Variants in CADPS2 observed in about 807,000 individuals in gnomAD.
CADPS2 encodes calcium-dependent secretion activator 2.
In CADPS2, 93 loss-of-function variants were observed where a neutral mutation model predicts 172.5. The observed-to-expected ratio is 0.54, with a 90% CI of 0.46 to 0.64. The LOEUF (loss-of-function observed/expected upper bound fraction) is 0.64. Ranked by LOEUF, CADPS2 falls within the 30% of genes least tolerant of loss-of-function variation. CADPS2 has a pLI of 0.00. For missense variants in CADPS2, 1,420 were observed against 1,565.9 expected (o/e 0.91, Z 1.57); for synonymous variants, 546 against 555.2 (o/e 0.98, Z 0.23).
intron 2 of CADPS2, among the ~76,000 whole-genome samples, chr7:122,705,964 A>AATATATTATATATT (rs1402363297): frequency 6.3e-4 from 1 of 1,596 alleles, no homozygotes; most frequent in African/African-American, 8.2e-4. Context: ...ATATATATAT[A>AATATATTATATATT]ATATAATATA....
intron 1 of CADPS2, among the ~76,000 whole-genome samples, chr7:122,748,179 G>A (rs567703823): frequency 1.4e-4 from 22 of 152,298 alleles, no homozygotes; most frequent in South Asian, 8.3e-4. Context: ...ACTGAAGCAA[G>A]TGAGTGAAGA....
intron 10 of CADPS2, among the ~76,000 whole-genome samples, chr7:122,491,045 G>A (rs1301250390): frequency 6.6e-6 from 1 of 152,014 alleles, no homozygotes; most frequent in Non-Finnish European, 1.5e-5. Flanking sequence ...TGAAAACATT[G>A]TAATATCTCA....
At chr7:122,362,764 GAC>G (rs1177099319) in intron 25 of CADPS2, among the ~76,000 whole-genome samples, 1 of 152,160 alleles carries the variant, frequency 6.6e-6, no homozygotes, top group Admixed American at 6.5e-5. Context: ...TAGTTCTAGG[GAC>G]ACAGCTTATT....
chr7:122,405,460 T>C (rs2046530914), intron 20 of CADPS2, among the ~76,000 whole-genome samples: 1 of 152,094 alleles, frequency 6.6e-6, no homozygotes, highest in African/African-American at 2.4e-5. Context: ...GTCAGGATTT[T>C]GAGACCAGTC....
At position 122,320,316 on chromosome 7, in the gene CADPS2, A is replaced by G; in HGVS notation, c.3740T>C (p.Leu1247Ser). 6.2e-7 allele frequency: 1 copy of G among 1,602,024 alleles called. No individual in the cohort carries two copies. The highest frequency in any genetic ancestry group is 1.1e-5 in the South Asian group (1 of 88,560). ...IVKKTYRDFR[L>S]QGVLEGTLNS... is the part of the protein sequence containing the mutation. Reference sequence around the variant, plus strand: ...CAGTGTTCCTTCCAACACACCCTGCAATCGAAAGTCCCTGTAGGTTTTCTG... The same window carrying G: ...CAGTGTTCCTTCCAACACACCCTGCGATCGAAAGTCCCTGTAGGTTTTCTG... Residue 1247 changes from leucine (L) to serine (S), a missense_variant, in exon 30 of 30, where the codon TTG becomes TCG. Physicochemically the swap from Leu to Ser is moderately radical, Grantham distance 145. Coordinates refer to ENST00000449022, the MANE Select transcript of CADPS2 (RefSeq NM_017954.11).
chr7:122,707,352 T>C (rs2136535807), intron 2 of CADPS2, among the ~76,000 whole-genome samples: 1 of 152,048 alleles, frequency 6.6e-6, no homozygotes, highest in Admixed American at 6.6e-5. Flanking sequence ...TAGAAGGTTA[T>C]AACTATTATT....
At chr7:122,834,991 G>C (rs150011555) in intron 1 of CADPS2, among the ~76,000 whole-genome samples, 1,728 of 152,302 alleles carry the variant, frequency 0.011, 22 homozygotes, top group Non-Finnish European at 0.014. Flanking sequence ...GCCTCCTCAA[G>C]TGGGTCCCTG....
At position 122,485,336 on chromosome 7, in the gene CADPS2, G is replaced by A. The variant is rs115849902; in HGVS notation, c.1853-4476C>T. Among the ~76,000 whole-genome samples, 387 of 152,320 alleles carry A rather than the reference G, an allele frequency of 2.5e-3. 5 individuals are homozygous for A. Among genetic ancestry groups the A allele is most frequent in the African/African-American group, 8.5e-3 (353 of 41,574 alleles). ...GCTAAGTTGTGAATGCAAAGGAAAA[G>A]TTGTTGCAGTAAATTAAAGTTGCTA... On this transcript the variant is annotated intron_variant, in intron 11 of 29. Transcript: ENST00000449022.
At chr7:122,754,027 T>A (rs1161555543) in intron 1 of CADPS2, among the ~76,000 whole-genome samples, 3 of 152,216 alleles carry the variant, frequency 2.0e-5, no homozygotes, top group Non-Finnish European at 2.9e-5. Flanking sequence ...CCCCACCAGG[T>A]AGGAGCTGTG....
At chr7:122,671,029 C>A (rs2135550304) in intron 2 of CADPS2, among the ~76,000 whole-genome samples, 1 of 152,250 alleles carries the variant, frequency 6.6e-6, no homozygotes, top group Middle Eastern at 3.4e-3. Flanking sequence ...AGATCTCCAC[C>A]CAGCTGATCC....
intron 1 of CADPS2, among the ~76,000 whole-genome samples, chr7:122,745,823 C>T (rs1017401012): frequency 6.6e-6 from 1 of 151,868 alleles, no homozygotes; most frequent in Non-Finnish European, 1.5e-5. Context: ...AATAAAAATT[C>T]CAGATAATTT....
intron 1 of CADPS2, among the ~76,000 whole-genome samples, chr7:122,836,127 A>G (rs191732461): frequency 3.2e-4 from 48 of 152,344 alleles, no homozygotes; most frequent in African/African-American, 1.1e-3. Flanking sequence ...CCAATATTCA[A>G]CATTCTTAAA....
At chr7:122,542,924 G>A (rs2063250225) in intron 8 of CADPS2, among the ~76,000 whole-genome samples, 1 of 151,970 alleles carries the variant, frequency 6.6e-6, no homozygotes, top group African/African-American at 2.4e-5. Context: ...GTATTTTTCA[G>A]TTACTGTTCT....
intron 9 of CADPS2, among the ~76,000 whole-genome samples, chr7:122,508,263 A>G (rs2059754436): frequency 6.6e-6 from 1 of 151,944 alleles, no homozygotes; most frequent in South Asian, 2.1e-4. Context: ...TCCCACATAT[A>G]TATGAAGATT....
intron 1 of CADPS2, among the ~76,000 whole-genome samples, chr7:122,771,145 G>A (rs1043194279): frequency 2.0e-5 from 3 of 152,180 alleles, no homozygotes; most frequent in Admixed American, 2.0e-4. Context: ...AAGCTCCCCA[G>A]GGAAACATAA....
chr7:122,801,340 A>G (rs1797605277), intron 1 of CADPS2, among the ~76,000 whole-genome samples: 1 of 151,942 alleles, frequency 6.6e-6, no homozygotes, highest in Non-Finnish European at 1.5e-5. Context: ...TCCAATATGT[A>G]TTAAAAAAAC....
intron 7 of CADPS2, among the ~76,000 whole-genome samples, chr7:122,577,017 TC>T (rs2068143038): frequency 6.6e-6 from 1 of 152,060 alleles, no homozygotes; most frequent in Non-Finnish European, 1.5e-5. Flanking sequence ...TGCCTCGGCC[TC>T]CCATAATGCT....
At chr7:122,676,230 A>G (rs944710533) in intron 2 of CADPS2, among the ~76,000 whole-genome samples, 9 of 152,168 alleles carry the variant, frequency 5.9e-5, no homozygotes, top group African/African-American at 1.4e-4. Context: ...CACCTACAAT[A>G]CATTAGAGTA....
intron 2 of CADPS2, among the ~76,000 whole-genome samples, chr7:122,724,580 A>G (rs1252853385): frequency 6.6e-6 from 1 of 152,076 alleles, no homozygotes; most frequent in Non-Finnish European, 1.5e-5. Context: ...TAACTTCATT[A>G]ACTGGTTCAA....
Sources: gnomAD v4.1 joint callset for allele counts (sites outside exome capture counted in the v4.1 genomes callset) on GRCh38, gnomAD v4.1.1 for gene constraint, MANE v1.5 for transcripts, NCBI Gene and HGNC (gene_info 2026-07-23, HGNC 2026-07-21) for gene names.